RIMS3: variants seen among roughly 807,000 people sequenced by gnomAD.
RIMS3 encodes the protein regulating synaptic membrane exocytosis 3, also known as regulating synaptic membrane exocytosis protein 3.
In RIMS3, 15 loss-of-function variants were observed where a neutral mutation model predicts 29.2. The ratio of observed to expected loss-of-function variants is 0.51; its 90% CI spans 0.34 to 0.79. The LOEUF is 0.79. Ranked by LOEUF, RIMS3 falls within the 30% of genes least tolerant of loss-of-function variation. The pLI, the probability that RIMS3 is intolerant of heterozygous loss-of-function variation, is 0.01. For synonymous variants in RIMS3, 161 were observed against 170.1 expected, an observed-to-expected ratio of 0.95 and a Z score of 0.41; for missense variants, 342 against 421.4, an observed-to-expected ratio of 0.81 and a Z score of 1.65.
chr1:40,657,040 T>A (rs2148359140), intron 1 of RIMS3, among the ~76,000 whole-genome samples: 1 of 152,340 alleles, frequency 6.6e-6, no homozygotes, highest in South Asian at 2.1e-4. Context: ...TAACAATCTT[T>A]TAGAAATTCC....
the RIMS3 span, among the ~76,000 whole-genome samples, chr1:40,683,312 A>AG: frequency 6.6e-6 from 1 of 152,154 alleles, no homozygotes; most frequent in African/African-American, 2.4e-5. Context: ...AACGTTGAGA[A>AG]GTGGAACACT....
intron 2 of RIMS3, among the ~76,000 whole-genome samples, chr1:40,645,739 AG>A (rs2148352823): frequency 6.6e-6 from 1 of 152,262 alleles, no homozygotes; most frequent in South Asian, 2.1e-4. Flanking sequence ...GAAGGGGGTA[AG>A]GGACAAAATT....
chr1:40,668,491 C>CGGGGGGGGGGGGGG (rs56114535), upstream of RIMS3, among the ~76,000 whole-genome samples: 7 of 51,610 alleles, frequency 1.4e-4, no homozygotes, highest in East Asian at 1.6e-3. Flanking sequence ...GGGTTGTGGG[C>CGGGGGGGGGGGGGG]GGGGGGGGGG....
chr1:40,640,679 G>T (rs1646550384), intron 3 of RIMS3, among the ~76,000 whole-genome samples: 1 of 152,216 alleles, frequency 6.6e-6, no homozygotes, highest in Non-Finnish European at 1.5e-5. Context: ...GGGGAGGGCT[G>T]GCTCCTCTGT....
Position 40,665,672 on chromosome 1 carries a change from G to A in RIMS3, c.-485C>T, listed in dbSNP as rs1488294885. ...GCAGCCACCGTTTTCAGTCGCCGCCGGGTGCAAAGCCCAAGCTTGGGCCGG... is the reference window on the plus strand; with the variant it reads ...GCAGCCACCGTTTTCAGTCGCCGCCAGGTGCAAAGCCCAAGCTTGGGCCGG... On this transcript the variant is annotated 5_prime_UTR_variant, in exon 1 of 8. Transcript: ENST00000372684. The A allele has an allele frequency of 1.3e-5, 2 of 152,448 alleles. No homozygotes were observed. The highest frequency in any genetic ancestry group is 4.0e-4 in the South Asian group (2 of 5,052). The allele number at this position is 152,448 out of a possible 1,614,324, so 9.4% of individuals were successfully genotyped here.
the RIMS3 span, among the ~76,000 whole-genome samples, chr1:40,683,023 C>A: frequency 3.9e-5 from 6 of 152,004 alleles, no homozygotes; most frequent in Non-Finnish European, 8.8e-5. Flanking sequence ...CTGTGCCTGG[C>A]TGAACTTTTG....
chr1:40,690,749 G>T, the RIMS3 span: 2 of 152,232 alleles, frequency 1.3e-5, no homozygotes, highest in Non-Finnish European at 2.9e-5. Context: ...ACAACAGTGT[G>T]ATTTTATTGA....
intron 1 of RIMS3, among the ~76,000 whole-genome samples, chr1:40,648,575 G>C (rs1646609649): frequency 6.6e-6 from 1 of 152,192 alleles, no homozygotes; most frequent in Admixed American, 6.5e-5. Flanking sequence ...ATAAAACAAG[G>C]ATTGGGATGT....
chr1:40,633,855 G>A (rs1646504444), intron 4 of RIMS3, among the ~76,000 whole-genome samples: 1 of 152,192 alleles, frequency 6.6e-6, no homozygotes, highest in African/African-American at 2.4e-5. Flanking sequence ...CTATTATCCA[G>A]TCTTACAGAT....
intron 1 of RIMS3, among the ~76,000 whole-genome samples, chr1:40,655,332 G>T (rs1280069598): frequency 2.0e-5 from 3 of 152,040 alleles, no homozygotes; most frequent in African/African-American, 7.2e-5. Context: ...CAGAAGAACT[G>T]TAGGGTATGC....
chr1:40,638,859 C>G (rs145939295), intron 3 of RIMS3, among the ~76,000 whole-genome samples: 2 of 152,200 alleles, frequency 1.3e-5, no homozygotes, highest in African/African-American at 2.4e-5. Context: ...TGAGGCCCAG[C>G]GGAAAAGTAA....
the RIMS3 span, among the ~76,000 whole-genome samples, chr1:40,686,655 TCAAAAA>T: frequency 6.6e-6 from 1 of 152,144 alleles, no homozygotes; most frequent in African/African-American, 2.4e-5. Context: ...AGACTCCGTC[TCAAAAA>T]CAAAAACAAA....
chr1:40,653,344 G>A (rs1008851679), intron 1 of RIMS3, among the ~76,000 whole-genome samples: 21 of 152,198 alleles, frequency 1.4e-4, no homozygotes, highest in South Asian at 4.1e-4. Flanking sequence ...AGTCCATGGT[G>A]AAGAGTAGGA....
Position 40,623,553 on chromosome 1 carries a change from C to T in RIMS3, c.*2964G>A, listed in dbSNP as rs1016005837. 3 of 398,608 alleles carry T rather than the reference C, an allele frequency of 7.5e-6. No individual in the cohort carries two copies. 24.7% of individuals were successfully genotyped at this position (398,608 alleles called of 1,614,324 possible). On this transcript the variant is annotated 3_prime_UTR_variant, in exon 8 of 8. Transcript: ENST00000372684. ...ACAAAGAGCTCCATTCCTGTAACCA[C>T]TGCAGGGTTTCATCTGGGCAAGGGG...
intron 1 of RIMS3, among the ~76,000 whole-genome samples, chr1:40,650,217 G>C (rs1333538878): frequency 6.6e-6 from 1 of 152,216 alleles, no homozygotes; most frequent in East Asian, 1.9e-4. Context: ...GGCCGCTGGG[G>C]TCACCCAGCA....
chr1:40,621,434 C>T lies in RIMS3; in HGVS notation c.*5083G>A, dbSNP rs2148339533. ...CTGTTAGGATTCCCAGAGTTCTTGTCTGAGGCAGCATCTGGGCATGGACCA... is the reference window on the plus strand; with the variant it reads ...CTGTTAGGATTCCCAGAGTTCTTGTTTGAGGCAGCATCTGGGCATGGACCA... On this transcript the variant is annotated 3_prime_UTR_variant, in exon 8 of 8. Coordinates refer to ENST00000372684, the MANE Select transcript of RIMS3 (RefSeq NM_014747.3). The T allele has an allele frequency of 6.6e-6, 1 of 152,214 alleles. No individual in the cohort carries two copies. The highest frequency in any genetic ancestry group is 1.9e-4 in the East Asian group (1 of 5,200). 9.4% of individuals were successfully genotyped at this position (152,214 alleles called of 1,614,324 possible). A position where few individuals can be genotyped will look rare whatever the true frequency, so the allele number is the denominator to read the frequency against.
chr1:40,672,292 G>A, the RIMS3 span, among the ~76,000 whole-genome samples: 2 of 144,342 alleles, frequency 1.4e-5, no homozygotes, highest in African/African-American at 2.6e-5. Flanking sequence ...TCCGCCTCCC[G>A]GGTTCACACC....
At chr1:40,672,770 G>A in the RIMS3 span, among the ~76,000 whole-genome samples, 1 of 151,862 alleles carries the variant, frequency 6.6e-6, no homozygotes, top group Non-Finnish European at 1.5e-5. Context: ...AGGAGGCTGA[G>A]GCAGAAGACT....
At chr1:40,663,478 A>G (rs1642381660) in intron 1 of RIMS3, among the ~76,000 whole-genome samples, 2 of 152,134 alleles carry the variant, frequency 1.3e-5, no homozygotes, top group Admixed American at 6.5e-5. Flanking sequence ...CCCCCTCCCC[A>G]GGGACCCTCC....
Sources: gnomAD v4.1 joint callset for allele counts (sites outside exome capture counted in the v4.1 genomes callset) on GRCh38, gnomAD v4.1.1 for gene constraint, MANE v1.5 for transcripts, NCBI Gene and HGNC (gene_info 2026-07-23, HGNC 2026-07-21) for gene names.